Variants in MSR1 observed in about 807,000 individuals in gnomAD.
The protein encoded by MSR1 is macrophage scavenger receptor types I and II.
MSR1 carries 53 observed loss-of-function variants against 47.2 expected under a neutral mutation model. The observed-to-expected ratio is 1.12, with a 90% CI of 0.90 to 1.41. The LOEUF (loss-of-function observed/expected upper bound fraction) is 1.41. MSR1 is among the 40% of genes most tolerant of loss of function. The pLI is 0.00. For missense variants in MSR1, 786 were observed against 546.9 expected, an observed-to-expected ratio of 1.44 and a Z score of -4.36; for synonymous variants, 239 against 185.6, an observed-to-expected ratio of 1.29 and a Z score of -2.34.
chr8:16,126,101 T>C, intron 8 of MSR1, among the ~76,000 whole-genome samples: 1 of 152,162 alleles, frequency 6.6e-6, no homozygotes, highest in East Asian at 1.9e-4. Context: ...ACACATTCAC[T>C]GCAATGTTCA....
In MSR1 at chr8:16,168,602, C is replaced by G. The variant is rs1159279750; in HGVS notation, c.486G>C (p.Leu162Phe). The G allele has an allele frequency of 6.2e-7, 1 of 1,614,018 alleles. No individual in the cohort carries two copies. The highest frequency in any genetic ancestry group is 8.5e-7 in the Non-Finnish European group (1 of 1,180,032). The stretch of plus-strand genomic sequence containing the variant: ...TCCCATGTCCCTGGACTGAGGAAAA[C>G]AAGGTACTTAGCTGCAGAAGAATGT... ...FNDILLQLSTLFSSVQGHGNA... is the reference protein window; with the variant it reads ...FNDILLQLSTFFSSVQGHGNA... Residue 162 changes from leucine (L) to phenylalanine (F), a missense_variant, in exon 4 of 10, where the codon TTG becomes TTC. Coordinates refer to ENST00000262101, the MANE Select transcript of MSR1 (RefSeq NM_138715.3).
rs1276896898 is a variant in MSR1 at position 16,122,956 on chromosome 8, T to G, written c.1034-2350A>C. Among the ~76,000 whole-genome samples, 3 of 148,874 alleles carry G rather than the reference T, an allele frequency of 2.0e-5. No individual in the cohort carries two copies. The South Asian group carries it at 6.6e-4, about 33-fold the overall frequency. ...ACCTCCCGGGTTCAAGCCATCCTCC[T>G]GCCTCAGCCTCCGGAGTAGCTACGA... On this transcript the variant is annotated intron_variant, in intron 8 of 9. Coordinates refer to ENST00000262101, the MANE Select transcript of MSR1 (RefSeq NM_138715.3).
chr8:16,182,009 C>G (rs1242544542), intron 1 of MSR1, among the ~76,000 whole-genome samples: 1 of 152,074 alleles, frequency 6.6e-6, no homozygotes, highest in Non-Finnish European at 1.5e-5. Flanking sequence ...GTGTGAACAT[C>G]ATAGAGTGCA....
intron 8 of MSR1, among the ~76,000 whole-genome samples, chr8:16,135,246 G>T (rs1306364423): frequency 6.6e-6 from 1 of 152,104 alleles, no homozygotes; most frequent in Admixed American, 6.5e-5. Context: ...TGAAGTATAG[G>T]CTAATTCCCT....
chr8:16,177,912 C>A lies in MSR1; in HGVS notation c.77G>T (p.Arg26Leu). ...SCSESVKFDA[R>L]SMTALLPPNP... ...CGGAGGAAGCAAAGCTGTCATTGAG[C>A]GAGCATCAAATTTCACAGATTCGGA... Residue 26 changes from arginine to leucine, a missense_variant, in exon 2 of 10, where the codon CGC becomes CTC. Coordinates refer to ENST00000262101, the MANE Select transcript of MSR1 (RefSeq NM_138715.3). 1 of 1,613,798 alleles carries A rather than the reference C, an allele frequency of 6.2e-7. No individual in the cohort carries two copies. The highest frequency in any genetic ancestry group is 8.5e-7 in the Non-Finnish European group (1 of 1,179,848).
At chr8:16,185,427 G>C (rs1801966221) in intron 1 of MSR1, among the ~76,000 whole-genome samples, 2 of 152,100 alleles carry the variant, frequency 1.3e-5, no homozygotes, top group African/African-American at 2.4e-5. Context: ...GATTTTCACT[G>C]TGGTTATATC....
At position 16,181,071 on chromosome 8, in the gene MSR1, T is replaced by C. The variant is rs181098472; in HGVS notation, c.-4-3079A>G. Among the ~76,000 whole-genome samples the C allele has an allele frequency of 9.9e-5, 15 of 152,244 alleles. No individual in the cohort carries two copies. In the East Asian group the frequency reaches 2.7e-3, roughly 27 times the overall value. Reference sequence around the variant, plus strand: ...CTCTATTTCCTCCCTTTATTAGATTTAAAGAGCAGTTTTACTCACCAAGCA... The same window carrying C: ...CTCTATTTCCTCCCTTTATTAGATTCAAAGAGCAGTTTTACTCACCAAGCA... On this transcript the variant is annotated intron_variant, in intron 1 of 9. Coordinates refer to ENST00000262101, the MANE Select transcript of MSR1 (RefSeq NM_138715.3).
chr8:16,161,564 C>T (rs1044255676), intron 5 of MSR1, among the ~76,000 whole-genome samples: 2 of 151,942 alleles, frequency 1.3e-5, no homozygotes, highest in Non-Finnish European at 2.9e-5. Flanking sequence ...TGCAACATCA[C>T]AATCCAAGAA....
intron 7 of MSR1, 131 bp from the exon 8 acceptor site, chr8:16,143,742 TG>T: frequency 2.9e-6 from 2 of 680,272 alleles, no homozygotes; most frequent in Non-Finnish European, 5.1e-6. Flanking sequence ...ATAATAACAT[TG>T]TATAATGTTA....
intron 9 of MSR1, among the ~76,000 whole-genome samples, chr8:16,111,796 T>G (rs1799761674): frequency 6.6e-6 from 1 of 152,094 alleles, no homozygotes; most frequent in South Asian, 2.1e-4. Flanking sequence ...CTGAATGCCA[T>G]TATTGTGTCA....
chr8:16,168,845 C>CTTCGTT lies in MSR1; in HGVS notation c.237_242dup (p.Thr80_Lys81dup). 6.2e-7 allele frequency: 1 copy of CTTCGTT among 1,613,476 alleles called. No homozygotes were observed. Among genetic ancestry groups the CTTCGTT allele is most frequent in the Non-Finnish European group, 8.5e-7 (1 of 1,179,990 alleles). ...CATTAGTTGAACTAACTGAGCAATT[C>CTTCGTT]TTCGTTTCCCACTTCAGGAGTTGAG... is the stretch of plus-strand genomic sequence containing the variant. On this transcript the variant is annotated inframe_insertion, in exon 4 of 10. Transcript: ENST00000262101.
intron 1 of MSR1, among the ~76,000 whole-genome samples, chr8:16,178,705 G>T (rs1194097866): frequency 6.6e-6 from 1 of 152,104 alleles, no homozygotes; most frequent in Non-Finnish European, 1.5e-5. Context: ...GGTTGAACTA[G>T]TTTACAGTCC....
chr8:16,153,289 T>G (rs1176273711), intron 6 of MSR1, among the ~76,000 whole-genome samples: 1 of 152,024 alleles, frequency 6.6e-6, no homozygotes, highest in Non-Finnish European at 1.5e-5. Flanking sequence ...AATTAGACAA[T>G]CTGGTGGAGA....
chr8:16,118,161 T>G (rs78765574), intron 9 of MSR1, among the ~76,000 whole-genome samples: 6,564 of 152,230 alleles, frequency 0.043, 221 homozygotes, highest in East Asian at 0.14. Context: ...GATTATATTA[T>G]CTAAATAACT....
chr8:16,116,282 A>C (rs569902422), intron 9 of MSR1, among the ~76,000 whole-genome samples: 1 of 152,286 alleles, frequency 6.6e-6, no homozygotes, highest in East Asian at 1.9e-4. Flanking sequence ...GGAAATTGAA[A>C]TTCTGAAACA....
At chr8:16,117,981 C>A (rs1270968477) in intron 9 of MSR1, among the ~76,000 whole-genome samples, 1 of 152,154 alleles carries the variant, frequency 6.6e-6, no homozygotes, top group Non-Finnish European at 1.5e-5. Context: ...AAATTGTCTT[C>A]CACAAAACTG....
intron 8 of MSR1, among the ~76,000 whole-genome samples, chr8:16,122,268 C>T (rs1485443358): frequency 6.6e-6 from 1 of 152,012 alleles, no homozygotes; most frequent in Non-Finnish European, 1.5e-5. Context: ...CCAATCATTT[C>T]CTGTAATTGC....
At chr8:16,167,158 CATTA>C (rs908159559) in intron 4 of MSR1, among the ~76,000 whole-genome samples, 103 of 152,250 alleles carry the variant, frequency 6.8e-4, no homozygotes, top group African/African-American at 2.4e-3. Context: ...TGATCGTTTC[CATTA>C]ATTATCACTT....
chr8:16,189,616 T>A (rs1802128061), intron 1 of MSR1, among the ~76,000 whole-genome samples: 1 of 41,388 alleles, frequency 2.4e-5, no homozygotes, highest in Non-Finnish European at 3.6e-5. Flanking sequence ...AAATCTTATT[T>A]TATATATATT....
Sources: allele counts gnomAD v4.1 joint callset (sites outside exome capture counted in the v4.1 genomes callset), GRCh38; gene constraint gnomAD v4.1.1; transcripts MANE v1.5; gene names NCBI Gene and HGNC (gene_info 2026-07-23, HGNC 2026-07-21).